The following RGS20 variants were observed in gnomAD, a reference collection of about 807,000 sequenced individuals.
The protein encoded by RGS20 is regulator of G protein signaling 20.
Under a neutral mutation model 33.6 loss-of-function variants are expected in RGS20, and 30 were observed. The observed-to-expected ratio is 0.89, with a 90% CI of 0.67 to 1.21. The LOEUF is 1.21. RGS20 is among the 50% of genes most tolerant of loss of function. The pLI, the probability that RGS20 is intolerant of heterozygous loss-of-function variation, is 0.00. For missense variants in RGS20, 472 were observed against 502.4 expected (o/e 0.94, Z 0.58); for synonymous variants, 208 against 197.9 (o/e 1.05, Z -0.43).
intron 2 of RGS20, among the ~76,000 whole-genome samples, chr8:53,894,424 C>T (rs1360734936): frequency 6.6e-6 from 1 of 152,164 alleles, no homozygotes; most frequent in Non-Finnish European, 1.5e-5. Flanking sequence ...GAACTGCAGA[C>T]AAAAACATTC....
rs1443140691 is a variant in RGS20, at chr8:53,939,607, A to T, written c.542A>T (p.Lys181Met). Residue 181 changes from lysine to methionine, a missense_variant, in exon 3 of 6, where the codon AAG becomes ATG. Physicochemically the swap from Lys to Met is moderately conservative, Grantham distance 95. Transcript: ENST00000297313. ...GGATCAGAGCGGATGGAGATGCGGA[A>T]GCGGCAGATGCCCGCCGCCCAGGAC... The T allele has an allele frequency of 1.2e-6, 2 of 1,604,234 alleles. No individual in the cohort carries two copies.
chr8:53,872,726 G>A (rs1160666717), intron 1 of RGS20, among the ~76,000 whole-genome samples: 1 of 152,174 alleles, frequency 6.6e-6, no homozygotes, highest in Non-Finnish European at 1.5e-5. Flanking sequence ...AATCAAGTGA[G>A]AGAACCCCAA....
chr8:53,955,365 G>GA (rs1337311323), intron 5 of RGS20, among the ~76,000 whole-genome samples: 1 of 152,004 alleles, frequency 6.6e-6, no homozygotes, highest in Non-Finnish European at 1.5e-5. Context: ...GTTATTCTGA[G>GA]AAAAATCTTG....
intron 2 of RGS20, among the ~76,000 whole-genome samples, chr8:53,922,426 T>A (rs1208713324): frequency 2.0e-5 from 3 of 152,226 alleles, no homozygotes; most frequent in Non-Finnish European, 2.9e-5. Context: ...AGACAGCATA[T>A]AGTTGGATTA....
intron 1 of RGS20, among the ~76,000 whole-genome samples, chr8:53,863,230 G>A (rs915088815): frequency 6.6e-6 from 1 of 151,992 alleles, no homozygotes; most frequent in East Asian, 2.0e-4. Flanking sequence ...CAGGTGATCC[G>A]CCCGCCTCGG....
At chr8:53,883,284 G>C (rs1475712886) in intron 2 of RGS20, among the ~76,000 whole-genome samples, 3 of 151,868 alleles carry the variant, frequency 2.0e-5, no homozygotes. Flanking sequence ...AGCCTCCCAA[G>C]TAGCTGGGGC....
chr8:53,932,061 T>C (rs993106367), intron 2 of RGS20, among the ~76,000 whole-genome samples: 1 of 152,226 alleles, frequency 6.6e-6, no homozygotes, highest in Non-Finnish European at 1.5e-5. Flanking sequence ...AATTCTTTTC[T>C]TTAAGAATGT....
chr8:53,927,927 T>C (rs1452715305), intron 2 of RGS20, among the ~76,000 whole-genome samples: 3 of 152,244 alleles, frequency 2.0e-5, no homozygotes, highest in Admixed American at 2.0e-4. Context: ...GTAGCATTTA[T>C]ATCAGTGGTA....
At chr8:53,958,146 AAAC>A (rs1814927568) in intron 5 of RGS20, 121 bp from the exon 5 acceptor site, 3 of 688,312 alleles carry the variant, frequency 4.4e-6, no homozygotes, top group South Asian at 2.6e-5. Context: ...AAAACAAAAC[AAAC>A]AACAAAAAAA....
At chr8:53,852,880 C>G (rs1386093368) in intron 1 of RGS20, among the ~76,000 whole-genome samples, 2 of 152,130 alleles carry the variant, frequency 1.3e-5, no homozygotes, top group Non-Finnish European at 2.9e-5. Context: ...ACAAAATTCT[C>G]TAGGTCTGCC....
At chr8:53,881,775 G>C (rs1043452282) in intron 2 of RGS20, among the ~76,000 whole-genome samples, 1 of 152,140 alleles carries the variant, frequency 6.6e-6, no homozygotes, top group African/African-American at 2.4e-5. Context: ...GGCAGTTAAC[G>C]TGCAGGCGCC....
chr8:53,927,932 G>C (rs989056843), intron 2 of RGS20, among the ~76,000 whole-genome samples: 2 of 152,300 alleles, frequency 1.3e-5, no homozygotes, highest in Middle Eastern at 3.4e-3. Context: ...ATTTATATCA[G>C]TGGTATAATA....
chr8:53,941,848 G>C (rs544700497), intron 3 of RGS20, among the ~76,000 whole-genome samples: 2 of 152,110 alleles, frequency 1.3e-5, no homozygotes, highest in Non-Finnish European at 2.9e-5. Flanking sequence ...AGCACTGAAA[G>C]GTCCCATAGC....
intron 5 of RGS20, among the ~76,000 whole-genome samples, chr8:53,954,781 G>A (rs542377680): frequency 2.7e-5 from 4 of 148,018 alleles, no homozygotes; most frequent in African/African-American, 5.0e-5. Flanking sequence ...TCTGCCTCCC[G>A]GGTTCAAGCA....
chr8:53,851,810 T>C lies in RGS20; in HGVS notation c.-90T>C, dbSNP rs1199222048. ...CCACAGATTCAGAGCCAGCCCAGCA[T>C]TAACCAAACAAAGAGAAGCAGAGTG... On this transcript the variant is annotated 5_prime_UTR_variant, in exon 1 of 6. Transcript: ENST00000297313. 9.3e-6 allele frequency: 13 copies of C among 1,395,236 alleles called. No homozygotes were observed. Among genetic ancestry groups the C allele is most frequent in the Non-Finnish European group, 1.3e-5 (13 of 1,020,270 alleles). 86.4% of individuals were successfully genotyped at this position (1,395,236 alleles called of 1,614,324 possible).
chr8:53,956,068 G>C (rs1357436049), intron 5 of RGS20, among the ~76,000 whole-genome samples: 2 of 152,104 alleles, frequency 1.3e-5, no homozygotes, highest in Admixed American at 1.3e-4. Flanking sequence ...CATCCACAAA[G>C]GGGTGGGCGA....
chr8:53,952,009 T>TA (rs1288729706), intron 4 of RGS20, among the ~76,000 whole-genome samples: 1 of 151,144 alleles, frequency 6.6e-6, no homozygotes, highest in Non-Finnish European at 1.5e-5. Context: ...AGAGTAAGAC[T>TA]AAAAAAACAG....
chr8:53,872,838 GT>G (rs541460828), intron 1 of RGS20, among the ~76,000 whole-genome samples: 7 of 151,552 alleles, frequency 4.6e-5, no homozygotes, highest in Non-Finnish European at 7.4e-5. Flanking sequence ...CATCTTGAGG[GT>G]TTTTTTTTAA....
At chr8:53,911,894 T>C (rs1168138580) in intron 2 of RGS20, among the ~76,000 whole-genome samples, 1 of 152,150 alleles carries the variant, frequency 6.6e-6, no homozygotes, top group Admixed American at 6.6e-5. Context: ...TTAGCCGAGA[T>C]TGGGCCACTT....
Sources: gnomAD v4.1 joint callset for allele counts (sites outside exome capture counted in the v4.1 genomes callset) on GRCh38, gnomAD v4.1.1 for gene constraint, MANE v1.5 for transcripts, NCBI Gene and HGNC (gene_info 2026-07-23, HGNC 2026-07-21) for gene names.